The following CSMD3 variants were observed in gnomAD, a reference collection of about 807,000 sequenced individuals.
CSMD3 encodes CUB and Sushi multiple domains 3, also known as CUB and sushi domain-containing protein 3.
Under a neutral mutation model 435.2 loss-of-function variants are expected in CSMD3, and 177 were observed. The ratio of observed to expected loss-of-function variants is 0.41; its 90% CI spans 0.36 to 0.46. CSMD3 has a LOEUF of 0.46. Among genes scored for constraint, CSMD3 ranks in the 20% least tolerant of loss-of-function variants. CSMD3 has a pLI of 0.34. For missense variants in CSMD3, 4,265 were observed against 4,504.6 expected, an observed-to-expected ratio of 0.95 and a Z score of 1.52; for synonymous variants, 1,656 against 1,520.5, an observed-to-expected ratio of 1.09 and a Z score of -2.07.
At chr8:112,939,951 A>G (rs1564128077) in intron 9 of CSMD3, among the ~76,000 whole-genome samples, 4 of 151,954 alleles carry the variant, frequency 2.6e-5, no homozygotes, top group Admixed American at 1.3e-4. Context: ...ACTGCCACAG[A>G]TGTAGGCCAT....
intron 27 of CSMD3, among the ~76,000 whole-genome samples, chr8:112,526,603 A>G (rs1032780431): frequency 1.3e-5 from 2 of 152,028 alleles, no homozygotes; most frequent in African/African-American, 4.8e-5. Context: ...TAATTTTATA[A>G]GAGCTTTGCT....
At chr8:112,698,060 G>A (rs2076298580) in intron 13 of CSMD3, among the ~76,000 whole-genome samples, 1 of 152,064 alleles carries the variant, frequency 6.6e-6, no homozygotes, top group African/African-American at 2.4e-5. Flanking sequence ...AGATATTAGG[G>A]TCAAGTACGT....
chr8:112,570,744 C>T (rs181758013), intron 24 of CSMD3, among the ~76,000 whole-genome samples: 62 of 152,182 alleles, frequency 4.1e-4, no homozygotes, highest in African/African-American at 1.2e-3. Context: ...AAGCCCTTTC[C>T]GAGAGAATAC....
At chr8:113,262,157 A>G (rs1353525833) in intron 3 of CSMD3, among the ~76,000 whole-genome samples, 1 of 152,112 alleles carries the variant, frequency 6.6e-6, no homozygotes, top group Non-Finnish European at 1.5e-5. Context: ...CATTTGAAGC[A>G]TAATATATGA....
At chr8:113,279,277 T>C (rs574438695) in intron 2 of CSMD3, among the ~76,000 whole-genome samples, 5 of 148,784 alleles carry the variant, frequency 3.4e-5, no homozygotes, top group Non-Finnish European at 7.5e-5. Flanking sequence ...TAGATCAAGT[T>C]CACAGAAGAG....
chr8:113,155,409 T>A (rs2091910875), intron 4 of CSMD3, among the ~76,000 whole-genome samples: 1 of 152,088 alleles, frequency 6.6e-6, no homozygotes, highest in African/African-American at 2.4e-5. Context: ...GCCTTTATTT[T>A]TGTATTTGCT....
intron 31 of CSMD3, among the ~76,000 whole-genome samples, chr8:112,480,117 A>T (rs973513648): frequency 2.0e-5 from 3 of 152,164 alleles, no homozygotes; most frequent in African/African-American, 7.2e-5. Flanking sequence ...GTGAAAGAAG[A>T]TTATTTTGGA....
rs1401470815 is a variant in CSMD3, at chr8:112,827,160, CATAAATATATATATATATATATATATAT to C, written c.1859+2498_1859+2525del. Among the ~76,000 whole-genome samples, 15 of 38,708 alleles carry C rather than the reference CATAAATATATATATATATATATATATAT, an allele frequency of 3.9e-4. 1 individual carries two copies. Among genetic ancestry groups the C allele is most frequent in the South Asian group, 2.3e-3 (2 of 856 alleles). The allele number at this position is 38,708 out of a possible 152,430, so 25.4% of individuals were successfully genotyped here. On this transcript the variant is annotated intron_variant, in intron 12 of 70. Coordinates refer to ENST00000297405, the MANE Select transcript of CSMD3 (RefSeq NM_198123.2). Reference sequence around the variant, plus strand: ...TTTCTTCTGTATTTTACTAGGTTACCATAAATATATATATATATATATATATATATATATATATATATATATAATCTTT... The same window carrying C: ...TTTCTTCTGTATTTTACTAGGTTACCATATATATATATATATATAATCTTT...
chr8:112,895,901 A>C (rs1255982251), intron 10 of CSMD3, among the ~76,000 whole-genome samples: 1 of 151,334 alleles, frequency 6.6e-6, no homozygotes, highest in East Asian at 2.0e-4. Flanking sequence ...GAAAAAGCAG[A>C]AGAAGAAAAA....
At chr8:113,100,588 T>C (rs1245343682) in intron 4 of CSMD3, among the ~76,000 whole-genome samples, 1 of 152,048 alleles carries the variant, frequency 6.6e-6, no homozygotes, top group Admixed American at 6.6e-5. Flanking sequence ...ACATTCTGGA[T>C]CACACTCAGA....
intron 3 of CSMD3, among the ~76,000 whole-genome samples, chr8:113,257,896 AT>A (rs1407370813): frequency 2.0e-5 from 3 of 151,654 alleles, no homozygotes; most frequent in African/African-American, 4.9e-5. Flanking sequence ...TAAGAAAAAA[AT>A]TTTTTTTAAT....
At chr8:112,956,240 T>C (rs1302896422) in intron 7 of CSMD3, among the ~76,000 whole-genome samples, 1 of 152,014 alleles carries the variant, frequency 6.6e-6, no homozygotes, top group African/African-American at 2.4e-5. Flanking sequence ...CTGTGAATCC[T>C]TATTCATGGT....
At chr8:113,036,134 GACTA>G (rs1005853348) in intron 5 of CSMD3, among the ~76,000 whole-genome samples, 2 of 151,574 alleles carry the variant, frequency 1.3e-5, no homozygotes, top group African/African-American at 4.8e-5. Context: ...GTTTTCATTG[GACTA>G]ACTAAATAAA....
chr8:112,244,273 T>C (rs911297700), intron 65 of CSMD3, 121 bp downstream of exon 65: 1 of 790,648 alleles, frequency 1.3e-6, no homozygotes, highest in African/African-American at 1.7e-5. Flanking sequence ...ACTCCTAGAC[T>C]TGGAGTTAGC....
intron 10 of CSMD3, among the ~76,000 whole-genome samples, chr8:112,860,047 A>C (rs779742669): frequency 5.3e-4 from 81 of 151,802 alleles, no homozygotes; most frequent in Admixed American, 1.1e-3. Context: ...TTTCATATGC[A>C]CTTAAATCTG....
intron 1 of CSMD3, among the ~76,000 whole-genome samples, chr8:113,349,729 T>C (rs143097200): frequency 1.3e-5 from 2 of 152,248 alleles, no homozygotes; most frequent in African/African-American, 4.8e-5. Flanking sequence ...AAATTGATAT[T>C]ATATAAGAAA....
intron 10 of CSMD3, among the ~76,000 whole-genome samples, chr8:112,901,310 T>A (rs1171531138): frequency 6.6e-6 from 1 of 151,220 alleles, no homozygotes; most frequent in Non-Finnish European, 1.5e-5. Flanking sequence ...CATTAAAAGA[T>A]CTTACAATTT....
At chr8:112,352,565 A>G in intron 38 of CSMD3, 31 bp from the exon 39 acceptor site, 1 of 1,567,038 alleles carries the variant, frequency 6.4e-7, no homozygotes, top group African/African-American at 1.3e-5. Flanking sequence ...CAATTTAAGT[A>G]ACTTTCAAGT....
intron 13 of CSMD3, among the ~76,000 whole-genome samples, chr8:112,708,353 T>A (rs1202619260): frequency 6.6e-6 from 1 of 151,986 alleles, no homozygotes; most frequent in Non-Finnish European, 1.5e-5. Flanking sequence ...ATGGAGTTAA[T>A]TGTGTAAGAT....
Sources: gnomAD v4.1 joint callset for allele counts (sites outside exome capture counted in the v4.1 genomes callset) on GRCh38, gnomAD v4.1.1 for gene constraint, MANE v1.5 for transcripts, NCBI Gene and HGNC (gene_info 2026-07-23, HGNC 2026-07-21) for gene names.